Variants in GPR37 observed in about 807,000 individuals in gnomAD.
The protein encoded by GPR37 is prosaposin receptor GPR37.
In GPR37, 20 loss-of-function variants were observed where a neutral mutation model predicts 43.6. That is an observed-to-expected ratio of 0.46 (90% CI 0.32 to 0.67). GPR37 has a LOEUF of 0.67. GPR37 is among the 30% of genes least tolerant of loss of function. The pLI is 0.03. For missense variants in GPR37, 724 were observed against 797.2 expected, an observed-to-expected ratio of 0.91 and a Z score of 1.11; for synonymous variants, 315 against 322.6, an observed-to-expected ratio of 0.98 and a Z score of 0.25.
chr7:124,761,710 C>T (rs34204767), intron 1 of GPR37, among the ~76,000 whole-genome samples: 51,929 of 151,988 alleles, frequency 0.34, 9,341 homozygotes, highest in East Asian at 0.51. Context: ...TGGAGACACA[C>T]TTTTATTTTG....
Position 124,746,827 on chromosome 7 carries a change from C to T in GPR37, c.1540G>A (p.Val514Ile). The change falls in exon 2 of 2, where the codon GTT (valine) becomes ATT (isoleucine). Residue 514 changes from valine to isoleucine, a missense_variant. By Grantham distance (29) the Val-to-Ile change is conservative. This residue lies in a region of GPR37 where 342 missense variants were observed against 441.8 expected (regional missense o/e 0.77). Coordinates refer to ENST00000303921, the MANE Select transcript of GPR37 (RefSeq NM_005302.5). ...ACCCCTGTAGCCATGTAGGCAGTAACAATGTTGCAGATATTTTCAGGAATA... is the reference window on the plus strand; with the variant it reads ...ACCCCTGTAGCCATGTAGGCAGTAATAATGTTGCAGATATTTTCAGGAATA... Reference protein sequence around the residue: ...CIIPENICNIVTAYMATGVSQ... With the variant: ...CIIPENICNIITAYMATGVSQ... 2 of 1,614,050 alleles carry T rather than the reference C, an allele frequency of 1.2e-6. No homozygotes were observed. Among genetic ancestry groups the T allele is most frequent in the Non-Finnish European group, 1.7e-6 (2 of 1,179,948 alleles).
intron 1 of GPR37, among the ~76,000 whole-genome samples, chr7:124,754,918 G>A (rs1793775320): frequency 6.6e-6 from 1 of 152,000 alleles, no homozygotes. Context: ...AGCATTTCAG[G>A]GCAGCAGTGG....
chr7:124,746,722 G>T lies in GPR37; in HGVS notation c.1645C>A (p.Leu549Ile). The T allele has an allele frequency of 6.2e-7, 1 of 1,613,976 alleles. No homozygotes were observed. The highest frequency in any genetic ancestry group is 8.5e-7 in the Non-Finnish European group (1 of 1,179,910). The change falls in exon 2 of 2, where the codon CTT (leucine) becomes ATT (isoleucine). Residue 549 changes from leucine (L) to isoleucine (I), a missense_variant. Physicochemically the swap from Leu to Ile is conservative, Grantham distance 5. This residue lies in a region of GPR37 where 342 missense variants were observed against 441.8 expected (regional missense o/e 0.77). Coordinates refer to ENST00000303921, the MANE Select transcript of GPR37 (RefSeq NM_005302.5). Reference protein sequence around the residue: ...FFKSCVTPVLLFCLCKPFSRA... With the variant: ...FFKSCVTPVLIFCLCKPFSRA... ...CTGAAGGGTTTGCAGAGACAGAAAA[G>T]GAGGACTGGGGTGACACAGGACTTA...
Position 124,764,272 on chromosome 7 carries a change from G to A in GPR37, c.705C>T (p.Pro235=), listed in dbSNP as rs767130748. The A allele has an allele frequency of 2.3e-5, 36 of 1,598,918 alleles. No homozygotes were observed. The Admixed American group carries it at 6.0e-4, about 27-fold the overall frequency. The part of the protein sequence containing the change: ...LGEGIHEPGG[P]RRGNSTNRRV... The stretch of plus-strand genomic sequence containing the variant: ...GCCGGTTCGTGCTGTTTCCCCGGCG[G>A]GGACCCCCAGGCTCATGGATTCCTT... Residue 235 remains proline, a synonymous_variant, in exon 1 of 2, where the codon CCC becomes CCT. Coordinates refer to ENST00000303921, the MANE Select transcript of GPR37 (RefSeq NM_005302.5). The surrounding 1 kb of genome is among the most constrained non-coding windows in gnomAD (Gnocchi z 5.4).
chr7:124,746,664 C>T lies in GPR37; in HGVS notation c.1703G>A (p.Cys568Tyr). 5 of 1,613,922 alleles carry T rather than the reference C, an allele frequency of 3.1e-6. No homozygotes were observed. Among genetic ancestry groups the T allele is most frequent in the Non-Finnish European group, 3.4e-6 (4 of 1,179,884 alleles). Residue 568 changes from cysteine to tyrosine, a missense_variant, in exon 2 of 2, where the codon TGT becomes TAT. Coordinates refer to ENST00000303921, the MANE Select transcript of GPR37 (RefSeq NM_005302.5). ...RAFMECCCCCCEECIQKSSTV... is the reference protein window; with the variant it reads ...RAFMECCCCCYEECIQKSSTV... ...TGAAGACTTCTGAATGCATTCCTCACAGCAACAGCAGCAGCACTCCATGAA... is the reference window on the plus strand; with the variant it reads ...TGAAGACTTCTGAATGCATTCCTCATAGCAACAGCAGCAGCACTCCATGAA...
chr7:124,752,429 T>C (rs1397843610), intron 1 of GPR37, among the ~76,000 whole-genome samples: 1 of 152,144 alleles, frequency 6.6e-6, no homozygotes, highest in Non-Finnish European at 1.5e-5. Flanking sequence ...ATCTCCCACC[T>C]GCTACCATGC....
intron 1 of GPR37, among the ~76,000 whole-genome samples, chr7:124,748,873 C>T (rs957524421): frequency 2.5e-4 from 38 of 151,782 alleles, no homozygotes; most frequent in African/African-American, 8.5e-4. Context: ...GGAATATAAA[C>T]ACATGTTCCT....
intron 1 of GPR37, among the ~76,000 whole-genome samples, chr7:124,761,567 G>T (rs1034927230): frequency 6.6e-6 from 1 of 152,120 alleles, no homozygotes; most frequent in African/African-American, 2.4e-5. Context: ...TTCCTTAATA[G>T]GTTGAACCTG....
At chr7:124,750,947 G>A (rs1793723319) in intron 1 of GPR37, among the ~76,000 whole-genome samples, 1 of 152,118 alleles carries the variant, frequency 6.6e-6, no homozygotes, top group Non-Finnish European at 1.5e-5. Flanking sequence ...CAGTTCTTCA[G>A]TCATATTCCC....
At position 124,764,557 on chromosome 7, in the gene GPR37, C is replaced by CTTCCT; in HGVS notation, c.419_420insAGGAA (p.Ala141GlyfsTer32). 6.2e-7 allele frequency: 1 copy of CTTCCT among 1,613,204 alleles called. No individual in the cohort carries two copies. Among genetic ancestry groups the CTTCCT allele is most frequent in the South Asian group, 1.1e-5 (1 of 91,074 alleles). ...AGATCTGAAGGAAGAGCTGGAGGGC[C>CTTCCT]GTGGGGTTCCCTCTCCCCAAAGTTT... is the stretch of plus-strand genomic sequence containing the variant. On this transcript the variant is annotated frameshift_variant, in exon 1 of 2. Transcript: ENST00000303921. LOFTEE classifies it high-confidence loss of function. The surrounding 1 kb of genome is among the most constrained non-coding windows in gnomAD (Gnocchi z 5.4).
In GPR37 at chr7:124,765,083, C is replaced by T. The variant is rs1199887610; in HGVS notation, c.-107G>A. On this transcript the variant is annotated 5_prime_UTR_variant, in exon 1 of 2. Transcript: ENST00000303921. ...TAGGCACATGTCACATACTCACCCC[C>T]GCCCGGGTAGCGGGGAACCGGAGAT... is the stretch of plus-strand genomic sequence containing the variant. The T allele has an allele frequency of 3.7e-6, 4 of 1,074,846 alleles. No individual in the cohort carries two copies. Among genetic ancestry groups the T allele is most frequent in the Non-Finnish European group, 5.0e-6 (4 of 794,820 alleles). The allele number at this position is 1,074,846 out of a possible 1,614,324, so 66.6% of individuals were successfully genotyped here. A position where few individuals can be genotyped will look rare whatever the true frequency, so the allele number is the denominator to read the frequency against.
At chr7:124,751,641 G>A (rs767449381) in intron 1 of GPR37, among the ~76,000 whole-genome samples, 4 of 152,088 alleles carry the variant, frequency 2.6e-5, no homozygotes, top group African/African-American at 9.7e-5. Context: ...AAAATTCTAA[G>A]ATGAATAGTG....
intron 1 of GPR37, among the ~76,000 whole-genome samples, chr7:124,751,327 C>A (rs2116313037): frequency 6.6e-6 from 1 of 152,194 alleles, no homozygotes; most frequent in Middle Eastern, 3.4e-3. Context: ...GATATTACTT[C>A]AGATCTTTTT....
chr7:124,754,106 ATACT>A (rs1285927156), intron 1 of GPR37, among the ~76,000 whole-genome samples: 1 of 152,142 alleles, frequency 6.6e-6, no homozygotes, highest in African/African-American at 2.4e-5. Flanking sequence ...ATAAGGCAAA[ATACT>A]TAATAAAAGG....
At position 124,747,045 on chromosome 7, in the gene GPR37, G is replaced by A. The variant is rs569173290; in HGVS notation, c.1322C>T (p.Ala441Val). 4.3e-6 allele frequency: 7 copies of A among 1,613,748 alleles called. No individual in the cohort carries two copies. The highest frequency in any genetic ancestry group is 1.7e-5 in the Admixed American group (1 of 59,982). ...ACAGCCAAAATACCACCACAGTCTC[G>A]CACTGTCGTAGGTGAGGGCTAGAAC... ...IYVLALTYDS[A>V]RLWWYFGCYF... Residue 441 changes from alanine to valine, a missense_variant, in exon 2 of 2, where the codon GCG becomes GTG. Ala to Val is a moderately conservative substitution (Grantham distance 64). Around this residue, in one of 2 missense-constraint regions of GPR37, gnomAD observed 342 missense variants for 441.8 expected, o/e 0.77. Transcript: ENST00000303921.
intron 1 of GPR37, among the ~76,000 whole-genome samples, chr7:124,762,700 G>T (rs958735219): frequency 9.2e-5 from 14 of 152,220 alleles, no homozygotes; most frequent in Admixed American, 6.5e-5. Flanking sequence ...CATAGTCATG[G>T]AATGATCCTG....
chr7:124,746,426 C>CT lies in GPR37; in HGVS notation c.*98dup. ...GTTAATATTTCTTTCTTTATTGTTTCTTTTTTGCATTTTTCCCTATAAGGA... is the reference window on the plus strand; with the variant it reads ...GTTAATATTTCTTTCTTTATTGTTTCTTTTTTTGCATTTTTCCCTATAAGGA... On this transcript the variant is annotated 3_prime_UTR_variant, in exon 2 of 2. Coordinates refer to ENST00000303921, the MANE Select transcript of GPR37 (RefSeq NM_005302.5). 3 of 855,426 alleles carry CT rather than the reference C, an allele frequency of 3.5e-6. No individual in the cohort carries two copies. Among genetic ancestry groups the CT allele is most frequent in the East Asian group, 5.1e-5 (2 of 39,306 alleles). The allele number at this position is 855,426 out of a possible 1,614,324, so 53.0% of individuals were successfully genotyped here.
rs1485856979 is a variant in GPR37, at chr7:124,765,119, G to C, written c.-143C>G. The C allele has an allele frequency of 2.0e-5, 14 of 706,698 alleles. No individual in the cohort carries two copies. The highest frequency in any genetic ancestry group is 2.8e-5 in the Non-Finnish European group (13 of 457,418). The allele number at this position is 706,698 out of a possible 1,614,324, so 43.8% of individuals were successfully genotyped here. ...CGGGGAACCGGAGATTAGGGTGATA[G>C]CGGAAGATCGGTCTTGGGGGTCACA... On this transcript the variant is annotated 5_prime_UTR_variant, in exon 1 of 2. Transcript: ENST00000303921.
At chr7:124,747,913 T>TA (rs1424500811) in intron 1 of GPR37, among the ~76,000 whole-genome samples, 3 of 152,106 alleles carry the variant, frequency 2.0e-5, no homozygotes, top group Non-Finnish European at 4.4e-5. Context: ...GGCATACACT[T>TA]ACGGAAAACA....
Sources: gnomAD v4.1 joint callset for allele counts (sites outside exome capture counted in the v4.1 genomes callset) on GRCh38, gnomAD v4.1.1 for gene constraint, gnomAD v4.1.1 regional missense constraint, Gnocchi (gnomAD v3.1) non-coding constraint, MANE v1.5 for transcripts, NCBI Gene and HGNC (gene_info 2026-07-23, HGNC 2026-07-21) for gene names.